Variants in RARS1 observed in about 807,000 individuals in gnomAD.
The protein encoded by RARS1 is arginyl-tRNA synthetase 1, also known as arginine--tRNA ligase, cytoplasmic.
Under a neutral mutation model 78.7 loss-of-function variants are expected in RARS1, and 75 were observed. The observed-to-expected ratio is 0.95, with a 90% CI of 0.79 to 1.15. RARS1 has a LOEUF of 1.15. Among genes scored for constraint, RARS1 ranks in the 50% most tolerant of loss-of-function variants. The probability of loss-of-function intolerance (pLI) is 0.00; values close to 1 mark genes in which losing one functional copy is unlikely to be tolerated. For synonymous variants in RARS1, 273 were observed against 268.2 expected, an observed-to-expected ratio of 1.02 and a Z score of -0.18; for missense variants, 787 against 787.5, an observed-to-expected ratio of 1.00 and a Z score of 0.01.
chr5:168,505,330 C>G (rs992429583), intron 9 of RARS1, among the ~76,000 whole-genome samples: 7 of 152,178 alleles, frequency 4.6e-5, no homozygotes, highest in African/African-American at 1.7e-4. Context: ...TTCTTGCATC[C>G]AAGAATTCTG....
chr5:168,505,937 A>AT (rs1453661494), intron 9 of RARS1, 84 bp from the exon 10 acceptor site: 1 of 1,096,554 alleles, frequency 9.1e-7, no homozygotes, highest in Non-Finnish European at 1.3e-6. Flanking sequence ...GAATAACTAA[A>AT]TATTTACATA....
At chr5:168,509,655 C>T (rs1758526488) in intron 11 of RARS1, among the ~76,000 whole-genome samples, 1 of 128,688 alleles carries the variant, frequency 7.8e-6, no homozygotes, top group African/African-American at 3.1e-5. Context: ...TCTCTTTTTT[C>T]TTTCTTTCTT....
intron 9 of RARS1, among the ~76,000 whole-genome samples, chr5:168,502,768 C>T (rs1220678176): frequency 6.7e-6 from 1 of 149,094 alleles, no homozygotes; most frequent in East Asian, 2.1e-4. Flanking sequence ...GACAGGGTTC[C>T]ACCGTGTTGG....
At chr5:168,492,995 G>T in intron 3 of RARS1, 148 bp downstream of exon 3, 1 of 753,356 alleles carries the variant, frequency 1.3e-6, no homozygotes, top group Non-Finnish European at 2.0e-6. Context: ...AGGAGTTGGG[G>T]GGGTATATGT....
intron 12 of RARS1, among the ~76,000 whole-genome samples, chr5:168,516,025 G>A (rs1758659744): frequency 6.6e-6 from 1 of 151,976 alleles, no homozygotes; most frequent in Non-Finnish European, 1.5e-5. Flanking sequence ...CTTGGGTTCT[G>A]TCCCCTTTGT....
chr5:168,488,666 C>G lies in RARS1; in HGVS notation c.110C>G (p.Ala37Gly). 1 of 1,612,734 alleles carries G rather than the reference C, an allele frequency of 6.2e-7. No homozygotes were observed. The highest frequency in any genetic ancestry group is 8.5e-7 in the Non-Finnish European group (1 of 1,179,610). Residue 37 changes from alanine (A) to glycine (G), a missense_variant, in exon 2 of 15, where the codon GCT (alanine) becomes GGT (glycine). Ala to Gly is a moderately conservative substitution (Grantham distance 60). Transcript: ENST00000231572. ...TTGAAAAACTGTGGCTGTTTAGGAG[C>G]TTCTCCAAATTTGGAGCAGTTACAA... ...DRLKNCGCLG[A>G]SPNLEQLQEE...
chr5:168,513,347 T>C (rs547113167), intron 12 of RARS1, among the ~76,000 whole-genome samples: 1 of 151,264 alleles, frequency 6.6e-6, no homozygotes, highest in Non-Finnish European at 1.5e-5. Context: ...TAAGACAGAA[T>C]CTCACTCTGT....
At chr5:168,495,041 G>A in intron 5 of RARS1, 1 of 396,618 alleles carries the variant, frequency 2.5e-6, no homozygotes, top group Non-Finnish European at 4.1e-6. Flanking sequence ...AGGCATTTGA[G>A]GTAGCCAATT....
Position 168,510,634 on chromosome 5 carries a change from GAGA to G in RARS1, c.1403_1405del (p.Glu468del). The G allele has an allele frequency of 6.2e-7, 1 of 1,611,212 alleles. No individual in the cohort carries two copies. The highest frequency in any genetic ancestry group is 1.3e-5 in the African/African-American group (1 of 74,824). On this transcript the variant is annotated inframe_deletion, in exon 12 of 15. Transcript: ENST00000231572. ...ACAGTGCGCCTCATGGATCTTCTGG[GAGA>G]AGGACTAAAACGATCCATGGACAAG...
chr5:168,496,658 A>G (rs1758195960), intron 6 of RARS1, among the ~76,000 whole-genome samples: 1 of 151,434 alleles, frequency 6.6e-6, no homozygotes, highest in African/African-American at 2.4e-5. Context: ...AATTTTTTGT[A>G]TTTTTAGTAG....
At chr5:168,506,981 T>A in intron 11 of RARS1, 150 bp downstream of exon 11, 1 of 649,560 alleles carries the variant, frequency 1.5e-6, no homozygotes, top group Non-Finnish European at 2.6e-6. Flanking sequence ...TGATTTTGTA[T>A]CTATATCATC....
chr5:168,504,085 C>CGAGAGA (rs771935583), intron 9 of RARS1, among the ~76,000 whole-genome samples: 1 of 142,454 alleles, frequency 7.0e-6, no homozygotes, highest in East Asian at 2.1e-4. Context: ...AAAAGAATAA[C>CGAGAGA]GAGAGAGAGA....
intron 9 of RARS1, among the ~76,000 whole-genome samples, chr5:168,505,606 G>T (rs1413747120): frequency 1.3e-5 from 2 of 151,796 alleles, no homozygotes; most frequent in Non-Finnish European, 2.9e-5. Flanking sequence ...AGGCATGGTG[G>T]CTCACACCTG....
intron 9 of RARS1, among the ~76,000 whole-genome samples, chr5:168,504,321 C>T (rs890394402): frequency 5.9e-5 from 9 of 151,382 alleles, no homozygotes; most frequent in South Asian, 4.2e-4. Flanking sequence ...GACAGGAGAT[C>T]GAGACCATCC....
At chr5:168,487,070 A>G (rs1757980836) in intron 1 of RARS1, among the ~76,000 whole-genome samples, 1 of 152,066 alleles carries the variant, frequency 6.6e-6, no homozygotes. Context: ...ACACCATATA[A>G]AAGTGAAAGC....
intron 12 of RARS1, among the ~76,000 whole-genome samples, chr5:168,512,237 T>G (rs1243411598): frequency 1.3e-5 from 2 of 152,210 alleles, no homozygotes; most frequent in African/African-American, 4.8e-5. Context: ...TGATGGACAT[T>G]AGGATTATTT....
chr5:168,516,181 C>G (rs1758662651), intron 12 of RARS1, among the ~76,000 whole-genome samples: 1 of 152,004 alleles, frequency 6.6e-6, no homozygotes, highest in African/African-American at 2.4e-5. Flanking sequence ...CCAGTTGTTT[C>G]ATATGTTTAA....
Position 168,497,391 on chromosome 5 carries a change from A to T in RARS1, c.822+43A>T, listed in dbSNP as rs752509066. ...TTATATTATGTGTGTGTTTACCATT[A>T]ATCATAATTATCCATTTTCCTTAGG... On this transcript the variant is annotated intron_variant, in intron 7 of 14. Transcript: ENST00000231572. The T allele has an allele frequency of 2.1e-6, 3 of 1,397,358 alleles. No homozygotes were observed. The East Asian group carries it at 7.7e-5, about 36-fold the overall frequency. The allele number at this position is 1,397,358 out of a possible 1,614,324, so 86.6% of individuals were successfully genotyped here. A position where few individuals can be genotyped will look rare whatever the true frequency, so the allele number is the denominator to read the frequency against.
chr5:168,509,439 C>G (rs1288704458), intron 11 of RARS1, among the ~76,000 whole-genome samples: 1 of 7,466 alleles, frequency 1.3e-4, no homozygotes. Flanking sequence ...TTTTTAAACA[C>G]CCCCCCCCCC....
Sources: allele counts gnomAD v4.1 joint callset (sites outside exome capture counted in the v4.1 genomes callset), GRCh38; gene constraint gnomAD v4.1.1; transcripts MANE v1.5; gene names NCBI Gene and HGNC (gene_info 2026-07-23, HGNC 2026-07-21).